The following C8orf34 variants were observed in gnomAD, a reference collection of about 807,000 sequenced individuals.
C8orf34 encodes chromosome 8 open reading frame 34, also known as uncharacterized protein C8orf34.
In C8orf34, 65 loss-of-function variants were observed where a neutral mutation model predicts 68.3. The ratio of observed to expected loss-of-function variants is 0.95; its 90% CI spans 0.78 to 1.17. The LOEUF (loss-of-function observed/expected upper bound fraction) is 1.17. Ranked by LOEUF, C8orf34 falls within the 50% of genes most tolerant of loss-of-function variation. The pLI is 0.00. For missense variants in C8orf34, 664 were observed against 655.4 expected (o/e 1.01, Z -0.14); for synonymous variants, 244 against 241.2 (o/e 1.01, Z -0.11).
intron 1 of C8orf34, among the ~76,000 whole-genome samples, chr8:68,351,990 A>G (rs926323836): frequency 1.3e-5 from 2 of 151,992 alleles, no homozygotes; most frequent in African/African-American, 2.4e-5. Context: ...CCATCTGTAT[A>G]TCTTCTTTGG....
At position 68,476,493 on chromosome 8, in the gene C8orf34, C is replaced by T. The variant is rs114302040; in HGVS notation, c.736+7673C>T. On this transcript the variant is annotated intron_variant, in intron 4 of 13. Transcript: ENST00000518698. ...GAGGAAGTTTTATCATTGAAAAGGC[C>T]AAAAGGATGACTAAATAGTAAAAAG... Among the ~76,000 whole-genome samples the T allele has an allele frequency of 4.4e-3, 668 of 152,150 alleles. 3 individuals are homozygous for T. The highest frequency in any genetic ancestry group is 0.016 in the African/African-American group (647 of 41,494).
At chr8:68,586,585 T>G (rs763713113) in intron 7 of C8orf34, among the ~76,000 whole-genome samples, 1 of 152,168 alleles carries the variant, frequency 6.6e-6, no homozygotes. Context: ...CACTGCTCTG[T>G]TTCCTGGAAA....
intron 7 of C8orf34, among the ~76,000 whole-genome samples, chr8:68,575,675 A>G (rs749291125): frequency 1.5e-4 from 23 of 152,072 alleles, no homozygotes; most frequent in Non-Finnish European, 2.6e-4. Flanking sequence ...CGCAGCCCTT[A>G]CTATGGACCC....
intron 7 of C8orf34, among the ~76,000 whole-genome samples, chr8:68,548,027 G>A (rs566800352): frequency 2.0e-5 from 3 of 151,702 alleles, no homozygotes; most frequent in South Asian, 2.1e-4. Flanking sequence ...GACCCTCTAC[G>A]CCACAACAAA....
chr8:68,659,578 C>T (rs1235934621), intron 8 of C8orf34, among the ~76,000 whole-genome samples: 1 of 152,120 alleles, frequency 6.6e-6, no homozygotes, highest in Non-Finnish European at 1.5e-5. Flanking sequence ...AACAAATATG[C>T]TCCAAATTTT....
At chr8:68,816,130 G>GTGTGTGTGTT (rs931639121) in intron 13 of C8orf34, among the ~76,000 whole-genome samples, 185 bp downstream of exon 13, 237 of 134,946 alleles carry the variant, frequency 1.8e-3, no homozygotes, top group African/African-American at 6.9e-3. Flanking sequence ...GTGTGTGTGT[G>GTGTGTGTGTT]TGTTTCTCTG....
At chr8:68,758,783 T>A (rs749253860) in intron 10 of C8orf34, among the ~76,000 whole-genome samples, 1 of 133,906 alleles carries the variant, frequency 7.5e-6, no homozygotes, top group Non-Finnish European at 1.6e-5. Flanking sequence ...CTTATAGGCA[T>A]ATCCATTTAA....
intron 1 of C8orf34, among the ~76,000 whole-genome samples, chr8:68,337,991 ATCT>A (rs1228950631): frequency 6.6e-6 from 1 of 152,228 alleles, no homozygotes; most frequent in African/African-American, 2.4e-5. Context: ...AAATGGTGGC[ATCT>A]TCTTTGCACC....
chr8:68,465,622 T>C (rs1299288870), intron 3 of C8orf34, among the ~76,000 whole-genome samples: 1 of 152,042 alleles, frequency 6.6e-6, no homozygotes, highest in African/African-American at 2.4e-5. Flanking sequence ...TATGCAGCCA[T>C]AAAAAATGAT....
At chr8:68,521,411 A>T (rs1329088348) in intron 5 of C8orf34, among the ~76,000 whole-genome samples, 1 of 152,020 alleles carries the variant, frequency 6.6e-6, no homozygotes, top group Admixed American at 6.6e-5. Flanking sequence ...CTATCCCCTG[A>T]CCCCAACCCA....
chr8:68,651,736 C>T (rs914944642), intron 8 of C8orf34, among the ~76,000 whole-genome samples: 1 of 151,906 alleles, frequency 6.6e-6, no homozygotes, highest in Admixed American at 6.6e-5. Context: ...AACAATAGAC[C>T]CTGGGGATTC....
chr8:68,784,614 CATTT>C (rs1823789204), intron 11 of C8orf34, among the ~76,000 whole-genome samples: 1 of 152,146 alleles, frequency 6.6e-6, no homozygotes, highest in Admixed American at 6.5e-5. Flanking sequence ...CTCATCCATT[CATTT>C]ATTTATTTGA....
rs544020917 is a variant in C8orf34 at position 68,520,882 on chromosome 8, C to T, written c.766-917C>T. On this transcript the variant is annotated intron_variant, in intron 5 of 13. Transcript: ENST00000518698. ...AGAGGCATTAAAAATATATTTTTCTCATTACATATTTACTGTAGCAAATAG... is the reference window on the plus strand; with the variant it reads ...AGAGGCATTAAAAATATATTTTTCTTATTACATATTTACTGTAGCAAATAG... Among the ~76,000 whole-genome samples the T allele has an allele frequency of 2.0e-5, 3 of 152,292 alleles. No homozygotes were observed. The South Asian group carries it at 6.2e-4, about 32-fold the overall frequency.
intron 8 of C8orf34, among the ~76,000 whole-genome samples, chr8:68,649,219 C>T (rs971844667): frequency 3.3e-5 from 5 of 152,164 alleles, no homozygotes; most frequent in Non-Finnish European, 7.4e-5. Context: ...GTATACAATG[C>T]ACCATCTACT....
chr8:68,765,100 G>A (rs567331226), intron 10 of C8orf34, among the ~76,000 whole-genome samples: 5 of 152,148 alleles, frequency 3.3e-5, no homozygotes, highest in Admixed American at 2.0e-4. Flanking sequence ...TAGTACTAAC[G>A]TTTATCACAG....
chr8:68,479,628 A>T (rs2129630958), intron 4 of C8orf34, among the ~76,000 whole-genome samples: 1 of 152,280 alleles, frequency 6.6e-6, no homozygotes, highest in South Asian at 2.1e-4. Flanking sequence ...GTCCTCTGAG[A>T]CTGAAGAGAA....
intron 12 of C8orf34, among the ~76,000 whole-genome samples, chr8:68,802,075 A>T (rs1824344541): frequency 6.6e-6 from 1 of 152,054 alleles, no homozygotes; most frequent in South Asian, 2.1e-4. Flanking sequence ...CATATTGTCA[A>T]ATAGTCCTCT....
intron 3 of C8orf34, among the ~76,000 whole-genome samples, chr8:68,461,926 A>C (rs1020592657): frequency 1.3e-5 from 2 of 152,224 alleles, no homozygotes; most frequent in Non-Finnish European, 2.9e-5. Flanking sequence ...ACAGGATCAA[A>C]TTCACACATA....
intron 10 of C8orf34, among the ~76,000 whole-genome samples, chr8:68,770,799 A>ATAAT (rs1272832486): frequency 2.0e-5 from 3 of 152,194 alleles, no homozygotes; most frequent in Non-Finnish European, 1.5e-5. Flanking sequence ...CATTAGTCAC[A>ATAAT]TAATTGCTCC....
Sources: allele counts gnomAD v4.1 joint callset (sites outside exome capture counted in the v4.1 genomes callset), GRCh38; gene constraint gnomAD v4.1.1; transcripts MANE v1.5; gene names NCBI Gene and HGNC (gene_info 2026-07-23, HGNC 2026-07-21).